Variants in NXPE1 observed in about 807,000 individuals in gnomAD.
The protein encoded by NXPE1 is NXPE family member 1.
In NXPE1, 31 loss-of-function variants were observed where a neutral mutation model predicts 33.3. The ratio of observed to expected loss-of-function variants is 0.93; its 90% CI spans 0.70 to 1.26. NXPE1 has a LOEUF of 1.26. Among genes scored for constraint, NXPE1 ranks in the 50% most tolerant of loss-of-function variants. The pLI is 0.00. For synonymous variants in NXPE1, 229 were observed against 231.4 expected (o/e 0.99, Z 0.09); for missense variants, 661 against 655.6 (o/e 1.01, Z -0.09).
At chr11:114,557,317 C>T (rs1948674874) in intron 1 of NXPE1, among the ~76,000 whole-genome samples, 1 of 152,050 alleles carries the variant, frequency 6.6e-6, no homozygotes, top group Non-Finnish European at 1.5e-5. Flanking sequence ...CAATATGCAT[C>T]TTTGACTTAA....
intron 5 of NXPE1, among the ~76,000 whole-genome samples, chr11:114,543,824 C>T (rs556136112): frequency 5.3e-5 from 8 of 152,134 alleles, no homozygotes; most frequent in East Asian, 1.9e-4. Flanking sequence ...TGACTGTCTA[C>T]GTAGAATCTA....
intron 5 of NXPE1, among the ~76,000 whole-genome samples, chr11:114,548,029 A>T (rs1424249363): frequency 6.6e-6 from 1 of 151,794 alleles, no homozygotes; most frequent in Non-Finnish European, 1.5e-5. Flanking sequence ...ATACCACATT[A>T]AAAAAAAGGG....
chr11:114,541,334 G>A (rs1025654360), intron 5 of NXPE1, among the ~76,000 whole-genome samples: 2 of 152,076 alleles, frequency 1.3e-5, no homozygotes, highest in African/African-American at 4.8e-5. Context: ...GATCAGACAA[G>A]GACTATGAAA....
intron 7 of NXPE1, among the ~76,000 whole-genome samples, chr11:114,524,756 G>A (rs1006903635): frequency 5.3e-5 from 8 of 152,034 alleles, no homozygotes; most frequent in African/African-American, 1.5e-4. Context: ...TTATGTGTCA[G>A]GTATTCATTT....
chr11:114,529,980 G>A, intron 6 of NXPE1, 195 bp downstream of exon 6: 1 of 551,202 alleles, frequency 1.8e-6, no homozygotes, highest in Admixed American at 3.5e-5. Context: ...CAAAACACAT[G>A]ACTGAATGGG....
chr11:114,531,472 C>A (rs1051070490), intron 5 of NXPE1, among the ~76,000 whole-genome samples: 1 of 152,184 alleles, frequency 6.6e-6, no homozygotes, highest in African/African-American at 2.4e-5. Context: ...TGCTTTCTCT[C>A]CATTTAATTT....
intron 1 of NXPE1, among the ~76,000 whole-genome samples, 162 bp downstream of exon 1, chr11:114,559,636 C>A (rs1396026019): frequency 1.3e-5 from 2 of 151,814 alleles, no homozygotes; most frequent in Admixed American, 6.6e-5. Context: ...CCCACACTTT[C>A]TTCTGAGCTT....
intron 5 of NXPE1, among the ~76,000 whole-genome samples, chr11:114,536,752 T>A (rs994309702): frequency 2.0e-5 from 3 of 152,228 alleles, no homozygotes; most frequent in Admixed American, 2.0e-4. Flanking sequence ...AATCTCTGAA[T>A]AGACCAATAA....
chr11:114,550,284 G>C (rs1258984278), intron 5 of NXPE1, among the ~76,000 whole-genome samples: 1 of 152,114 alleles, frequency 6.6e-6, no homozygotes, highest in Non-Finnish European at 1.5e-5. Flanking sequence ...AAAGCCAAAA[G>C]TGTTGGGTGT....
chr11:114,542,609 T>G (rs1378853468), intron 5 of NXPE1, among the ~76,000 whole-genome samples: 1 of 152,160 alleles, frequency 6.6e-6, no homozygotes, highest in Non-Finnish European at 1.5e-5. Context: ...GCTTGTCATT[T>G]GCCTTATAGT....
intron 1 of NXPE1, among the ~76,000 whole-genome samples, chr11:114,557,482 A>G (rs908797182): frequency 3.3e-5 from 5 of 151,520 alleles, no homozygotes; most frequent in African/African-American, 1.2e-4. Context: ...TTAGAGATGG[A>G]AAAGAAATAT....
intron 5 of NXPE1, among the ~76,000 whole-genome samples, chr11:114,538,949 A>T (rs1947964862): frequency 6.6e-6 from 1 of 152,172 alleles, no homozygotes; most frequent in Non-Finnish European, 1.5e-5. Flanking sequence ...TACCCAAAGG[A>T]TTATAAATCA....
At chr11:114,547,081 C>CT (rs1286663311) in intron 5 of NXPE1, among the ~76,000 whole-genome samples, 3 of 152,084 alleles carry the variant, frequency 2.0e-5, no homozygotes, top group Admixed American at 6.5e-5. Flanking sequence ...CTGCCCAATC[C>CT]TTAAGTGTGG....
chr11:114,542,389 A>G (rs972233552), intron 5 of NXPE1, among the ~76,000 whole-genome samples: 2 of 152,208 alleles, frequency 1.3e-5, no homozygotes, highest in Non-Finnish European at 2.9e-5. Context: ...ACTAAACAGC[A>G]TGAACATTAA....
intron 5 of NXPE1, among the ~76,000 whole-genome samples, chr11:114,535,915 C>T (rs1248088256): frequency 2.6e-5 from 4 of 152,138 alleles, no homozygotes; most frequent in Non-Finnish European, 5.9e-5. Flanking sequence ...TTGAACTCAG[C>T]TCTGCACCAA....
At chr11:114,530,665 C>T (rs1947546494) in exon 6 of NXPE1, 7 of 1,614,064 alleles carry the variant, frequency 4.3e-6, no homozygotes, top group Non-Finnish European at 5.9e-6. Flanking sequence ...AGCTGGTCTC[C>T]CCTGCAGTAT....
At chr11:114,536,335 GAT>G (rs1467131996) in intron 5 of NXPE1, among the ~76,000 whole-genome samples, 1 of 152,176 alleles carries the variant, frequency 6.6e-6, no homozygotes, top group Non-Finnish European at 1.5e-5. Context: ...AAGCAGGAAA[GAT>G]GAAAAATTGA....
In NXPE1 at chr11:114,530,585, G is replaced by T. The variant is rs753351819; in HGVS notation, c.423C>A (p.Ala141=). 5.0e-6 allele frequency: 8 copies of T among 1,614,086 alleles called. No homozygotes were observed. In the South Asian group the frequency reaches 8.8e-5, roughly 18 times the overall value. The change falls in exon 6 of 9, where the codon GCC becomes GCA. Residue 141 remains alanine, a synonymous_variant. Transcript: ENST00000534921. Reference sequence around the variant, plus strand: ...CCGTCAGTGCTGGGGAGGACATCCTGGCCCTCAGGAAATCCCCACCATATT... The same window carrying T: ...CCGTCAGTGCTGGGGAGGACATCCTTGCCCTCAGGAAATCCCCACCATATT...
intron 1 of NXPE1, among the ~76,000 whole-genome samples, chr11:114,557,662 TATATATATATAA>T (rs1201634163): frequency 6.3e-4 from 83 of 131,784 alleles, no homozygotes; most frequent in African/African-American, 2.7e-3. Context: ...TATATATATA[TATATATATATAA>T]AATCCTTGTT....
Sources: allele counts gnomAD v4.1 joint callset (sites outside exome capture counted in the v4.1 genomes callset), GRCh38; gene constraint gnomAD v4.1.1; transcripts MANE v1.5; gene names NCBI Gene and HGNC (gene_info 2026-07-23, HGNC 2026-07-21).